Variants in RTCA observed in about 807,000 individuals in gnomAD.
RTCA encodes RNA terminal phosphate cyclase domain 1.
RTCA carries 37 observed loss-of-function variants against 46.1 expected under a neutral mutation model. The ratio of observed to expected loss-of-function variants is 0.80; its 90% CI spans 0.62 to 1.06. The LOEUF (loss-of-function observed/expected upper bound fraction) is 1.06, where lower values mean the gene tolerates loss of function less well. Among genes scored for constraint, RTCA ranks in the 50% least tolerant of loss-of-function variants. The pLI is 0.00. For missense variants in RTCA, 435 were observed against 455.5 expected (o/e 0.95, Z 0.41); for synonymous variants, 164 against 158.3 (o/e 1.04, Z -0.27).
At chr1:100,273,560 A>G (rs960057326) in intron 5 of RTCA, 108 bp downstream of exon 5, 10 of 565,080 alleles carry the variant, frequency 1.8e-5, no homozygotes, top group Non-Finnish European at 3.0e-5. Context: ...AATACATTGC[A>G]TCTCTTGTAA....
At chr1:100,267,467 G>A in intron 2 of RTCA, 1 of 1,502,640 alleles carries the variant, frequency 6.7e-7, no homozygotes, top group Non-Finnish European at 8.9e-7. Context: ...ACACAGAGTG[G>A]AGCTTAAACA....
At chr1:100,273,587 G>T (rs764250331) in intron 5 of RTCA, 135 bp downstream of exon 5, 17 of 503,518 alleles carry the variant, frequency 3.4e-5, no homozygotes, top group Middle Eastern at 1.0e-3. Flanking sequence ...ATTGTACTTT[G>T]TGGCTTAAAA....
intron 2 of RTCA, 38 bp downstream of exon 2, chr1:100,266,662 G>T: frequency 6.5e-7 from 1 of 1,529,528 alleles, no homozygotes; most frequent in Non-Finnish European, 8.9e-7. Context: ...CCGTGAAGCT[G>T]GGGGATCGGG....
Position 100,291,536 on chromosome 1 carries a change from T to A in RTCA, c.*32T>A, listed in dbSNP as rs763712443. 44 of 1,194,220 alleles carry A rather than the reference T, an allele frequency of 3.7e-5. No homozygotes were observed. In the Admixed American group the frequency reaches 8.4e-4, roughly 23 times the overall value. 74.0% of individuals were successfully genotyped at this position (1,194,220 alleles called of 1,614,324 possible). A position where few individuals can be genotyped will look rare whatever the true frequency, so the allele number is the denominator to read the frequency against. Reference sequence around the variant, plus strand: ...TGCCTCTTAAATGATACCTCATTGATATATTGCACTATTTCATAAATACTA... The same window carrying A: ...TGCCTCTTAAATGATACCTCATTGAAATATTGCACTATTTCATAAATACTA... On this transcript the variant is annotated 3_prime_UTR_variant, in exon 11 of 11. Coordinates refer to ENST00000370128, the MANE Select transcript of RTCA (RefSeq NM_003729.4).
intron 8 of RTCA, among the ~76,000 whole-genome samples, chr1:100,283,130 A>G (rs1359258047): frequency 6.8e-6 from 1 of 147,086 alleles, no homozygotes; most frequent in Non-Finnish European, 1.5e-5. Flanking sequence ...CGCATCCCCA[A>G]GCTATCTCAT....
chr1:100,288,042 C>T lies in RTCA; in HGVS notation c.999+839C>T, dbSNP rs536661072. 3.3e-5 allele frequency among the ~76,000 whole-genome samples: 5 copies of T among 152,256 alleles called. No individual in the cohort carries two copies. In the South Asian group the frequency reaches 1.0e-3, roughly 32 times the overall value. On this transcript the variant is annotated intron_variant, in intron 10 of 10. Coordinates refer to ENST00000370128, the MANE Select transcript of RTCA (RefSeq NM_003729.4). ...CTTCATAGCTCAGGTGATCTGTCCA[C>T]CTTGGCCTCCCAAAGTGTTGTGATT...
At position 100,286,280 on chromosome 1, in the gene RTCA, G is replaced by A. The variant is rs567361933; in HGVS notation, c.895-819G>A. 1.5e-3 allele frequency among the ~76,000 whole-genome samples: 234 copies of A among 151,792 alleles called. 1 individual carries two copies. Among genetic ancestry groups the A allele is most frequent in the Non-Finnish European group, 2.5e-3 (171 of 67,928 alleles). On this transcript the variant is annotated intron_variant, in intron 9 of 10. Coordinates refer to ENST00000370128, the MANE Select transcript of RTCA (RefSeq NM_003729.4). ...ATCCTGGCTAACACGGTGAAACCCC[G>A]TCTCTACTGAAAAAATACAAAAAAT...
rs1666026205 is a variant in RTCA, at chr1:100,270,539, C to T, written c.291-18C>T. 3.1e-6 allele frequency: 5 copies of T among 1,605,942 alleles called. No homozygotes were observed. The highest frequency in any genetic ancestry group is 1.7e-5 in the Admixed American group (1 of 57,586). ...CAGAAAAGAAAATGAAAATAAGCCC[C>T]TTCTGCCTTCTCCTTAGGAGTGTGT... On this transcript the variant is annotated intron_variant, in intron 3 of 10. Coordinates refer to ENST00000370128, the MANE Select transcript of RTCA (RefSeq NM_003729.4).
At chr1:100,283,957 CA>C (rs1557979493) in intron 8 of RTCA, among the ~76,000 whole-genome samples, 25 of 49,158 alleles carry the variant, frequency 5.1e-4, no homozygotes, top group East Asian at 1.6e-3. Context: ...AAAGAAAAAA[CA>C]AGAAAAAACA....
At chr1:100,279,502 G>A (rs1312846857) in intron 8 of RTCA, among the ~76,000 whole-genome samples, 2 of 152,332 alleles carry the variant, frequency 1.3e-5, no homozygotes, top group East Asian at 3.9e-4. Context: ...TATTCTGGGT[G>A]AGGTGGCATG....
rs1557983465 is a variant in RTCA, at chr1:100,291,422, A to C, written c.1019A>C (p.Lys340Thr). 6.2e-7 allele frequency: 1 copy of C among 1,610,986 alleles called. No homozygotes were observed. Among genetic ancestry groups the C allele is most frequent in the Non-Finnish European group, 8.5e-7 (1 of 1,178,382 alleles). ...QIAKAKFIVKKSEDEEDAAKD... is the reference protein window; with the variant it reads ...QIAKAKFIVKTSEDEEDAAKD... ...TTTCAGGCTAAATTTATTGTGAAGA[A>C]ATCAGAAGATGAAGAAGACGCCGCT... Residue 340 changes from lysine (K) to threonine (T), a missense_variant, in exon 11 of 11, where the codon AAA (lysine) becomes ACA (threonine). By Grantham distance (78) the Lys-to-Thr change is moderately conservative (BLOSUM62 -1). Coordinates refer to ENST00000370128, the MANE Select transcript of RTCA (RefSeq NM_003729.4).
At position 100,285,433 on chromosome 1, in the gene RTCA, T is replaced by C. The variant is rs560694170; in HGVS notation, c.894+111T>C. The stretch of plus-strand genomic sequence containing the variant: ...TCAGACACTAATTAGCAAGTCCTAC[T>C]TCAATAATTTAAAAAAATATTCTGG... On this transcript the variant is annotated intron_variant, in intron 9 of 10. Coordinates refer to ENST00000370128, the MANE Select transcript of RTCA (RefSeq NM_003729.4). The C allele has an allele frequency of 4.3e-5, 29 of 680,190 alleles. 1 individual carries two copies. In the South Asian group the frequency reaches 5.3e-4, roughly 12 times the overall value. 42.1% of individuals were successfully genotyped at this position (680,190 alleles called of 1,614,324 possible). A position where few individuals can be genotyped will look rare whatever the true frequency, so the allele number is the denominator to read the frequency against.
At position 100,285,274 on chromosome 1, in the gene RTCA, A is replaced by C; in HGVS notation, c.846A>C (p.Leu282Phe). Residue 282 changes from leucine (L) to phenylalanine (F), a missense_variant, in exon 9 of 11, where the codon TTA becomes TTC. By Grantham distance (22) the Leu-to-Phe change is conservative. Transcript: ENST00000370128. ...GAATTGAAGCTGCCGAAATGCTATT[A>C]GCAAATCTTAGACATGGTGGTACTG... ...KVGIEAAEMLLANLRHGGTVD... is the reference protein window; with the variant it reads ...KVGIEAAEMLFANLRHGGTVD... The C allele has an allele frequency of 4.3e-6, 7 of 1,613,912 alleles. No homozygotes were observed. The highest frequency in any genetic ancestry group is 5.9e-6 in the Non-Finnish European group (7 of 1,179,870).
At chr1:100,271,685 G>C (rs1365030402) in intron 4 of RTCA, among the ~76,000 whole-genome samples, 3 of 151,928 alleles carry the variant, frequency 2.0e-5, no homozygotes, top group African/African-American at 7.3e-5. Context: ...TTTTCTTCTA[G>C]ATTTATTAAA....
rs1327826038 is a variant in RTCA, at chr1:100,283,946, AAAAGAAAAAAC to A, written c.800-1279_800-1269del. 6.9e-3 allele frequency among the ~76,000 whole-genome samples: 420 copies of A among 60,508 alleles called. 58 individuals carry two copies. Among genetic ancestry groups the A allele is most frequent in the Non-Finnish European group, 0.011 (297 of 25,876 alleles). The allele number at this position is 60,508 out of a possible 152,430, so 39.7% of individuals were successfully genotyped here. On this transcript the variant is annotated intron_variant, in intron 8 of 10. Transcript: ENST00000370128. ...CTAAAAAAAAAAAAGAAAAAAAAAA[AAAAGAAAAAAC>A]AAGAAAAAACAAGAAAAACAAAGAA...
At chr1:100,276,369 G>A (rs1338750200) in intron 7 of RTCA, among the ~76,000 whole-genome samples, 2 of 152,062 alleles carry the variant, frequency 1.3e-5, no homozygotes, top group Non-Finnish European at 2.9e-5. Context: ...AATAAATATA[G>A]CAAAGAGCTT....
At chr1:100,290,131 A>G (rs897174257) in intron 10 of RTCA, among the ~76,000 whole-genome samples, 20 of 152,242 alleles carry the variant, frequency 1.3e-4, no homozygotes, top group Admixed American at 1.1e-3. Flanking sequence ...GCTGAAAGTG[A>G]AAGAATTTTT....
intron 8 of RTCA, among the ~76,000 whole-genome samples, chr1:100,279,048 C>CA (rs1454022157): frequency 3.9e-5 from 6 of 152,174 alleles, no homozygotes; most frequent in African/African-American, 1.4e-4. Context: ...AGTGAGGAAT[C>CA]AGTGTGGATA....
chr1:100,276,180 A>G (rs1252342623), intron 7 of RTCA, among the ~76,000 whole-genome samples: 1 of 152,118 alleles, frequency 6.6e-6, no homozygotes, highest in Non-Finnish European at 1.5e-5. Context: ...CACCAGTATG[A>G]TAAATTAAGA....
Sources: gnomAD v4.1 joint callset for allele counts (sites outside exome capture counted in the v4.1 genomes callset) on GRCh38, gnomAD v4.1.1 for gene constraint, MANE v1.5 for transcripts, NCBI Gene and HGNC (gene_info 2026-07-23, HGNC 2026-07-21) for gene names.